CHD1L: variants seen among roughly 807,000 people sequenced by gnomAD.
The protein encoded by CHD1L is chromodomain helicase DNA binding protein 1 like.
In CHD1L, 118 loss-of-function variants were observed where a neutral mutation model predicts 115.9. The ratio of observed to expected loss-of-function variants is 1.02; its 90% confidence interval spans 0.88 to 1.19. The LOEUF (loss-of-function observed/expected upper bound fraction) is 1.19, where lower values mean the gene tolerates loss of function less well. CHD1L is among the 50% of genes most tolerant of loss of function. CHD1L has a pLI of 0.00. For missense variants in CHD1L, 1,179 were observed against 1,065.3 expected (o/e 1.11, Z -1.49); for synonymous variants, 411 against 387.1 (o/e 1.06, Z -0.72).
chr1:147,286,504 C>G lies in CHD1L; in HGVS notation c.2221+4C>G, dbSNP rs373045212. On this transcript the variant is annotated splice_donor_region_variant and intron_variant, in intron 18 of 22. Coordinates refer to ENST00000369258, the MANE Select transcript of CHD1L (RefSeq NM_004284.6). ...GCTCTCATTGTGCACTGCGTAGGTA[C>G]GAGAAGTGGTATGGGCTGGGGATGG... The G allele has an allele frequency of 5.1e-5, 82 of 1,612,682 alleles. 1 individual carries two copies. Among genetic ancestry groups the G allele is most frequent in the Non-Finnish European group, 6.8e-5 (80 of 1,179,716 alleles).
rs115828754 is a variant in CHD1L at position 147,287,817 on chromosome 1, C to G, written c.2320+84C>G. ...AGACTGTATCGTGAGGGTTACACAG[C>G]ACTAGATAAGGAATTAGAATAACCA... On this transcript the variant is annotated intron_variant, in intron 19 of 22. Transcript: ENST00000369258. 1.6e-3 allele frequency: 1,797 copies of G among 1,092,218 alleles called. 23 individuals carry two copies. In the African/African-American group the frequency reaches 0.025, roughly 15 times the overall value. The allele number at this position is 1,092,218 out of a possible 1,614,324, so 67.7% of individuals were successfully genotyped here. A position where few individuals can be genotyped will look rare whatever the true frequency, so the allele number is the denominator to read the frequency against.
the CHD1L span, chr1:147,225,310 G>C: frequency 1.8e-6 from 1 of 556,458 alleles, no homozygotes; most frequent in Non-Finnish European, 2.8e-6. Context: ...GCGCTCAACA[G>C]ATCCTTCAGC....
chr1:147,250,320 A>AT (rs1553935823), intron 1 of CHD1L, among the ~76,000 whole-genome samples: 2 of 151,998 alleles, frequency 1.3e-5, no homozygotes, highest in Admixed American at 6.5e-5. Flanking sequence ...GGAGCCAGGC[A>AT]TTTTTTTTAA....
the CHD1L span, chr1:147,203,762 G>T: frequency 2.6e-6 from 4 of 1,529,888 alleles, no homozygotes; most frequent in Non-Finnish European, 3.6e-6. Context: ...ATCATCTACT[G>T]CCCTTTCTAT....
At chr1:147,232,441 A>G in the CHD1L span, among the ~76,000 whole-genome samples, 1 of 152,222 alleles carries the variant, frequency 6.6e-6, no homozygotes, top group South Asian at 2.1e-4. Flanking sequence ...TATCTCAAGT[A>G]GCAGAACATG....
chr1:147,286,078 C>G (rs587664431), intron 17 of CHD1L, among the ~76,000 whole-genome samples: 2 of 152,268 alleles, frequency 1.3e-5, no homozygotes, highest in East Asian at 1.9e-4. Context: ...GTCTTAAAAA[C>G]AGGAACATTC....
At chr1:147,199,629 A>G in the CHD1L span, among the ~76,000 whole-genome samples, 1 of 152,202 alleles carries the variant, frequency 6.6e-6, no homozygotes, top group Non-Finnish European at 1.5e-5. Flanking sequence ...GCCTGTTTTA[A>G]TGAACTGTTC....
upstream of CHD1L, chr1:147,242,679 G>T: frequency 7.9e-7 from 1 of 1,263,904 alleles, no homozygotes. Context: ...GCTTGGCCGC[G>T]CGGGGCGGGG....
chr1:147,228,642 C>T, the CHD1L span, among the ~76,000 whole-genome samples: 2 of 152,152 alleles, frequency 1.3e-5, no homozygotes, highest in African/African-American at 4.8e-5. Flanking sequence ...TAAAAGTGTT[C>T]CTATTTCTCC....
intron 12 of CHD1L, among the ~76,000 whole-genome samples, chr1:147,272,785 CGTGAAT>C (rs1676747503): frequency 6.6e-6 from 1 of 151,572 alleles, no homozygotes; most frequent in Non-Finnish European, 1.5e-5. Context: ...TGATTTAAAT[CGTGAAT>C]ATTACGACAT....
the CHD1L span, among the ~76,000 whole-genome samples, chr1:147,232,606 C>T: frequency 6.6e-5 from 10 of 152,146 alleles, no homozygotes; most frequent in African/African-American, 2.4e-4. Flanking sequence ...CTGCCTGATT[C>T]TCCTGCCTCA....
At chr1:147,254,743 G>A (rs1289140471) in intron 2 of CHD1L, 127 bp from the exon 3 acceptor site, 5 of 564,814 alleles carry the variant, frequency 8.9e-6, no homozygotes, top group South Asian at 7.4e-5. Flanking sequence ...GCGGAAGTTC[G>A]TACAATATTT....
intron 8 of CHD1L, among the ~76,000 whole-genome samples, chr1:147,266,846 T>C (rs1674121225): frequency 6.6e-6 from 1 of 152,238 alleles, no homozygotes; most frequent in Non-Finnish European, 1.5e-5. Flanking sequence ...TAGAATATTG[T>C]TATAATTGTT....
chr1:147,267,612 C>A, intron 9 of CHD1L, 94 bp downstream of exon 9: 1 of 864,786 alleles, frequency 1.2e-6, no homozygotes, highest in Non-Finnish European at 1.8e-6. Flanking sequence ...CATATACTTA[C>A]TTTGTCTACT....
At chr1:147,223,788 G>A in the CHD1L span, 1 of 259,186 alleles carries the variant, frequency 3.9e-6, no homozygotes, top group Non-Finnish European at 7.6e-6. Flanking sequence ...AGCACTTCCT[G>A]CCATTAACCA....
the CHD1L span, among the ~76,000 whole-genome samples, chr1:147,183,494 G>A: frequency 6.6e-6 from 1 of 152,152 alleles, no homozygotes; most frequent in African/African-American, 2.4e-5. Flanking sequence ...CCTTCGAGGA[G>A]TTTACTAGTT....
intron 18 of CHD1L, among the ~76,000 whole-genome samples, chr1:147,286,925 T>G (rs1683367886): frequency 1.3e-5 from 2 of 152,058 alleles, no homozygotes. Flanking sequence ...TTCAAATGTC[T>G]GTTTCTCAGA....
At chr1:147,281,519 G>A (rs1200848252) in intron 15 of CHD1L, among the ~76,000 whole-genome samples, 1 of 152,092 alleles carries the variant, frequency 6.6e-6, no homozygotes, top group African/African-American at 2.4e-5. Flanking sequence ...GTTGGAATTT[G>A]GGCAGCTGGC....
At chr1:147,255,516 C>T (rs1177776349) in intron 3 of CHD1L, among the ~76,000 whole-genome samples, 1 of 152,096 alleles carries the variant, frequency 6.6e-6, no homozygotes, top group Non-Finnish European at 1.5e-5. Context: ...TGTGAGCCAC[C>T]GCGCCCGGCC....
Sources: allele counts gnomAD v4.1 joint callset (sites outside exome capture counted in the v4.1 genomes callset), GRCh38; gene constraint gnomAD v4.1.1; transcripts MANE v1.5; gene names NCBI Gene and HGNC (gene_info 2026-07-23, HGNC 2026-07-21).